SATB2: variants seen among roughly 807,000 people sequenced by gnomAD.
The protein encoded by SATB2 is SATB homeobox 2.
SATB2 carries 1 observed loss-of-function variant against 73.4 expected under a neutral mutation model. The ratio of observed to expected loss-of-function variants is 0.01; its 90% CI spans 0.00 to 0.06. The LOEUF is 0.06. Ranked by LOEUF, SATB2 falls within the 10% of genes least tolerant of loss-of-function variation. The pLI is 1.00. For synonymous variants in SATB2, 397 were observed against 367.0 expected, an observed-to-expected ratio of 1.08 and a Z score of -0.93; for missense variants, 459 against 945.8, an observed-to-expected ratio of 0.49 and a Z score of 6.75.
chr2:199,398,188 G>C (rs1222421110), intron 3 of SATB2, among the ~76,000 whole-genome samples: 1 of 152,042 alleles, frequency 6.6e-6, no homozygotes, highest in Non-Finnish European at 1.5e-5. Context: ...AGAGAATCTG[G>C]GTCATAGGGA....
chr2:199,471,122 C>T (rs1473229326), exon 1 of SATB2: 1 of 152,412 alleles, frequency 6.6e-6, no homozygotes, highest in East Asian at 1.9e-4. Context: ...CCGGGTATCC[C>T]AGGGCATCCG....
intron 10 of SATB2, among the ~76,000 whole-genome samples, chr2:199,291,055 C>T (rs540844840): frequency 6.6e-6 from 1 of 152,198 alleles, no homozygotes; most frequent in South Asian, 2.1e-4. Context: ...AGAATATTGC[C>T]TATATACAAA....
At chr2:199,458,191 A>T, upstream of SATB2, 1 of 54,670 alleles carries the variant, frequency 1.8e-5, no homozygotes, top group East Asian at 3.7e-3. Context: ...GCAAGAAAAG[A>T]GGGGAGTGGG....
rs761710516 is a variant in SATB2 at position 199,433,512 on chromosome 2, A to G, written c.172T>C (p.Leu58=). The G allele has an allele frequency of 2.7e-5, 44 of 1,614,124 alleles. No homozygotes were observed. In the East Asian group the frequency reaches 4.2e-4, roughly 16 times the overall value. ...ACGACACAAAAGACAGGAATCATCA[A>G]ACCTGAAGGGACAAAATTCAAGAGC... ...NGAVAKAVGG[L]MIPVFCVVEQ... The change falls in exon 3 of 11, where the codon TTG becomes CTG. Residue 58 remains leucine (L), a splice_region_variant and synonymous_variant. Transcript: ENST00000417098.
intron 10 of SATB2, among the ~76,000 whole-genome samples, chr2:199,283,420 C>T (rs1014483849): frequency 1.3e-4 from 19 of 151,502 alleles, no homozygotes; most frequent in African/African-American, 4.1e-4. Flanking sequence ...TGCTGAAATT[C>T]GCCGTGAGCT....
chr2:199,385,566 A>G (rs1689907727), intron 3 of SATB2, among the ~76,000 whole-genome samples: 1 of 152,188 alleles, frequency 6.6e-6, no homozygotes, highest in Non-Finnish European at 1.5e-5. Context: ...ACCCCTGAAT[A>G]TCTAGTGTCA....
At chr2:199,469,342 C>G (rs1354617243), upstream of SATB2, among the ~76,000 whole-genome samples, 1 of 152,158 alleles carries the variant, frequency 6.6e-6, no homozygotes, top group African/African-American at 2.4e-5. Flanking sequence ...TCCCGCCCGT[C>G]GTCTGCGGGA....
Position 199,272,095 on chromosome 2 carries a change from T to C in SATB2, c.*116A>G. The C allele has an allele frequency of 2.0e-6, 2 of 1,010,976 alleles. No homozygotes were observed. The highest frequency in any genetic ancestry group is 3.1e-6 in the Non-Finnish European group (2 of 652,494). The allele number at this position is 1,010,976 out of a possible 1,614,324, so 62.6% of individuals were successfully genotyped here. A position where few individuals can be genotyped will look rare whatever the true frequency, so the allele number is the denominator to read the frequency against. ...CAAAACAGACATAAAAAGACAAAAA[T>C]AAAGCCAAAAAAACCCAAAAACAAA... On this transcript the variant is annotated 3_prime_UTR_variant, in exon 11 of 11. Transcript: ENST00000417098. This position sits in a 1 kb window ranked among gnomAD's most constrained non-coding sequence, Gnocchi z 6.7.
chr2:199,422,444 T>G (rs1691201498), intron 3 of SATB2, among the ~76,000 whole-genome samples: 1 of 152,110 alleles, frequency 6.6e-6, no homozygotes, highest in South Asian at 2.1e-4. Context: ...ATGCCATCCA[T>G]GATAGCAAGT....
At chr2:199,416,740 CTA>C (rs368963051) in intron 3 of SATB2, among the ~76,000 whole-genome samples, 1 of 152,220 alleles carries the variant, frequency 6.6e-6, no homozygotes, top group East Asian at 1.9e-4. Flanking sequence ...ACACAACTGA[CTA>C]TAACATAACA....
chr2:199,373,597 ATATT>A (rs1689511581), intron 5 of SATB2, among the ~76,000 whole-genome samples: 1 of 152,066 alleles, frequency 6.6e-6, no homozygotes, highest in Non-Finnish European at 1.5e-5. Context: ...GTGATTGGGG[ATATT>A]GTCTCCTGCA....
intron 10 of SATB2, among the ~76,000 whole-genome samples, chr2:199,294,628 T>C (rs1179876832): frequency 6.6e-6 from 1 of 152,180 alleles, no homozygotes; most frequent in Non-Finnish European, 1.5e-5. Flanking sequence ...ATATTTGACA[T>C]TGGCCCACCA....
chr2:199,390,737 T>TCAC (rs1690105085), intron 3 of SATB2, among the ~76,000 whole-genome samples: 1 of 152,202 alleles, frequency 6.6e-6, no homozygotes, highest in South Asian at 2.1e-4. Context: ...TAATTATGTG[T>TCAC]ATTCTTTTCA....
chr2:199,367,751 A>G (rs1212148899), intron 6 of SATB2, among the ~76,000 whole-genome samples: 2 of 152,124 alleles, frequency 1.3e-5, no homozygotes, highest in African/African-American at 2.4e-5. Flanking sequence ...GAAATTCCCC[A>G]AATCCCCTCA....
intron 5 of SATB2, among the ~76,000 whole-genome samples, chr2:199,372,630 T>C (rs189337788): frequency 6.6e-6 from 1 of 152,022 alleles, no homozygotes; most frequent in Non-Finnish European, 1.5e-5. Flanking sequence ...TGGACCAGTA[T>C]TTCATGGATC....
chr2:199,282,416 G>A (rs996133330), intron 10 of SATB2, among the ~76,000 whole-genome samples: 6 of 152,036 alleles, frequency 3.9e-5, no homozygotes, highest in South Asian at 2.1e-4. Context: ...TTGTATACAC[G>A]TGGTAAGGAG....
intron 7 of SATB2, among the ~76,000 whole-genome samples, chr2:199,342,426 TA>T (rs532281689): frequency 3.8e-3 from 466 of 122,282 alleles, no homozygotes; most frequent in Admixed American, 4.3e-3. Context: ...AAAGACTAGC[TA>T]AAAAAAAAAA....
intron 10 of SATB2, among the ~76,000 whole-genome samples, chr2:199,291,949 A>G (rs1692877715): frequency 6.6e-6 from 1 of 152,026 alleles, no homozygotes; most frequent in Admixed American, 6.5e-5. Flanking sequence ...AAAACAAACA[A>G]ACAAAAACCA....
In SATB2 at chr2:199,283,091, T is replaced by G. The variant is rs1692575700; in HGVS notation, c.1741-10419A>C. ...TTACAACATAAACATAAACTTTTTTTTTTTTTTTTTGAGATGGAATCTCAC... is the reference window on the plus strand; with the variant it reads ...TTACAACATAAACATAAACTTTTTTGTTTTTTTTTTGAGATGGAATCTCAC... On this transcript the variant is annotated intron_variant, in intron 10 of 10. Coordinates refer to ENST00000417098, the MANE Select transcript of SATB2 (RefSeq NM_001172509.2). Among the ~76,000 whole-genome samples the G allele has an allele frequency of 3.3e-5, 5 of 151,830 alleles. No homozygotes were observed. The South Asian group carries it at 8.4e-4, about 25-fold the overall frequency.
Sources: gnomAD v4.1 joint callset for allele counts (sites outside exome capture counted in the v4.1 genomes callset) on GRCh38, gnomAD v4.1.1 for gene constraint, Gnocchi (gnomAD v3.1) non-coding constraint, MANE v1.5 for transcripts, NCBI Gene and HGNC (gene_info 2026-07-23, HGNC 2026-07-21) for gene names.